PCDH15: variants seen among roughly 807,000 people sequenced by gnomAD.
PCDH15 encodes the protein protocadherin-15.
PCDH15 carries 129 observed loss-of-function variants against 178.5 expected under a neutral mutation model. That is an observed-to-expected ratio of 0.72 (90% CI 0.63 to 0.84). The LOEUF is 0.84. PCDH15 is among the 40% of genes least tolerant of loss of function. PCDH15 has a pLI of 0.00. For missense variants in PCDH15, 2,230 were observed against 2,099.9 expected (o/e 1.06, Z -1.21); for synonymous variants, 800 against 732.0 (o/e 1.09, Z -1.50).
intron 2 of PCDH15, among the ~76,000 whole-genome samples, chr10:54,613,504 T>TACAC (rs367744959): frequency 0.035 from 5,227 of 148,464 alleles, 286 homozygotes; most frequent in African/African-American, 0.12. Flanking sequence ...CACACACACA[T>TACAC]ACACACACAC....
intron 1 of PCDH15, among the ~76,000 whole-genome samples, chr10:55,299,715 A>T (rs958643034): frequency 2.6e-5 from 4 of 152,198 alleles, no homozygotes; most frequent in African/African-American, 9.6e-5. Context: ...AATACTCAGA[A>T]TTGGACCAAC....
intron 1 of PCDH15, among the ~76,000 whole-genome samples, chr10:54,714,776 T>C (rs1166981567): frequency 6.6e-6 from 1 of 152,148 alleles, no homozygotes; most frequent in African/African-American, 2.4e-5. Flanking sequence ...CTGTTTTTAT[T>C]CCCAAACTAT....
chr10:54,626,112 A>T (rs2093540951), intron 2 of PCDH15, among the ~76,000 whole-genome samples: 1 of 152,176 alleles, frequency 6.6e-6, no homozygotes, highest in African/African-American at 2.4e-5. Context: ...GTGGCAAAAT[A>T]AATTTCTAAG....
intron 3 of PCDH15, among the ~76,000 whole-genome samples, chr10:54,470,382 C>A (rs192666107): frequency 2.1e-3 from 320 of 152,172 alleles, no homozygotes; most frequent in Non-Finnish European, 3.8e-3. Context: ...CAGTAGCCAC[C>A]AGTGGTGCCT....
intron 3 of PCDH15, among the ~76,000 whole-genome samples, chr10:54,819,994 G>T (rs1208006566): frequency 3.4e-5 from 4 of 116,262 alleles, no homozygotes; most frequent in African/African-American, 1.3e-4. Flanking sequence ...AGTATCAACT[G>T]CTGTCAAAAT....
intron 1 of PCDH15, among the ~76,000 whole-genome samples, chr10:55,233,630 T>A (rs1592007780): frequency 6.6e-6 from 1 of 152,082 alleles, no homozygotes; most frequent in East Asian, 1.9e-4. Context: ...TCTACCAGAT[T>A]TGTGCTTTTC....
intron 20 of PCDH15, among the ~76,000 whole-genome samples, chr10:53,998,803 A>G (rs936496300): frequency 3.3e-5 from 5 of 151,998 alleles, no homozygotes; most frequent in African/African-American, 1.2e-4. Flanking sequence ...TGTAATTCCA[A>G]CACTTTGGGA....
At chr10:55,158,097 T>C (rs1388187148) in intron 2 of PCDH15, among the ~76,000 whole-genome samples, 15 of 122,642 alleles carry the variant, frequency 1.2e-4, no homozygotes, top group Admixed American at 1.2e-3. Flanking sequence ...TATATATATA[T>C]ACACATATCT....
At chr10:54,616,513 G>T in intron 2 of PCDH15, among the ~76,000 whole-genome samples, 1 of 152,006 alleles carries the variant, frequency 6.6e-6, no homozygotes, top group South Asian at 2.1e-4. Flanking sequence ...GTAATCACAG[G>T]ATGTGCTTGT....
At chr10:54,338,108 A>T (rs565809488) in intron 6 of PCDH15, among the ~76,000 whole-genome samples, 19 of 152,300 alleles carry the variant, frequency 1.2e-4, no homozygotes, top group African/African-American at 4.3e-4. Flanking sequence ...ATTCCATCCA[A>T]CTTCCAAGGA....
In PCDH15 at chr10:53,866,909, C is replaced by A. The variant is rs771113154; in HGVS notation, c.3502-52G>T. 3.7e-5 allele frequency: 49 copies of A among 1,309,010 alleles called. No individual in the cohort carries two copies. In the Admixed American group the frequency reaches 7.6e-4, roughly 20 times the overall value. The allele number at this position is 1,309,010 out of a possible 1,614,324, so 81.1% of individuals were successfully genotyped here. A position where few individuals can be genotyped will look rare whatever the true frequency, so the allele number is the denominator to read the frequency against. ...TTATAATTAAGCAGGAAAAGATAAC[C>A]CTTATGAAATGGCTTACTTTTGTTT... On this transcript the variant is annotated intron_variant, in intron 26 of 37. Transcript: ENST00000644397.
At chr10:55,384,992 A>T (rs1302411143) in intron 2 of PCDH15, among the ~76,000 whole-genome samples, 1 of 152,164 alleles carries the variant, frequency 6.6e-6, no homozygotes, top group Non-Finnish European at 1.5e-5. Context: ...AAAAGCAAAA[A>T]TATTTGTAAA....
intron 2 of PCDH15, among the ~76,000 whole-genome samples, chr10:54,965,503 G>T (rs1838762485): frequency 6.6e-6 from 1 of 151,918 alleles, no homozygotes; most frequent in African/African-American, 2.4e-5. Flanking sequence ...ATGTGAAACT[G>T]TGAATCCATT....
At chr10:54,561,980 C>CTTTTTT (rs575547228) in intron 2 of PCDH15, among the ~76,000 whole-genome samples, 4,263 of 74,860 alleles carry the variant, frequency 0.057, 406 homozygotes, top group East Asian at 0.11. Flanking sequence ...CCGCACCCAG[C>CTTTTTT]TTTTTTTTTT....
At chr10:53,995,872 C>G in intron 20 of PCDH15, 107 bp from the exon 21 acceptor site, 1 of 996,168 alleles carries the variant, frequency 1.0e-6, no homozygotes, top group East Asian at 2.4e-5. Context: ...TTACCACTGT[C>G]AGCCTTCCAT....
At chr10:54,715,756 G>T (rs66575754) in intron 1 of PCDH15, among the ~76,000 whole-genome samples, 18,553 of 151,960 alleles carry the variant, frequency 0.12, 1,267 homozygotes, top group African/African-American at 0.17. Flanking sequence ...GCACACACAC[G>T]TCCACAGATT....
intron 1 of PCDH15, among the ~76,000 whole-genome samples, chr10:55,205,806 C>T (rs1399339851): frequency 6.6e-6 from 1 of 151,878 alleles, no homozygotes; most frequent in Non-Finnish European, 1.5e-5. Context: ...TGGGACTGGG[C>T]AATTTACAAA....
At chr10:54,645,462 A>G (rs2094110441) in intron 2 of PCDH15, among the ~76,000 whole-genome samples, 1 of 152,170 alleles carries the variant, frequency 6.6e-6, no homozygotes. Context: ...AAGGAATTTA[A>G]GAAAATAGAC....
At chr10:55,374,538 G>A (rs1447218080) in intron 2 of PCDH15, among the ~76,000 whole-genome samples, 2 of 152,054 alleles carry the variant, frequency 1.3e-5, no homozygotes, top group African/African-American at 2.4e-5. Flanking sequence ...AAGTAGAATA[G>A]CTTCCCATGA....
Sources: allele counts gnomAD v4.1 joint callset (sites outside exome capture counted in the v4.1 genomes callset), GRCh38; gene constraint gnomAD v4.1.1; transcripts MANE v1.5; gene names NCBI Gene and HGNC (gene_info 2026-07-23, HGNC 2026-07-21).